The following ITGBL1 variants were observed in gnomAD, a reference collection of about 807,000 sequenced individuals.
ITGBL1 encodes integrin beta-like protein 1.
Under a neutral mutation model 68.5 loss-of-function variants are expected in ITGBL1, and 51 were observed. The ratio of observed to expected loss-of-function variants is 0.74; its 90% confidence interval spans 0.59 to 0.94. ITGBL1 has a LOEUF of 0.94. ITGBL1 is among the 40% of genes least tolerant of loss of function. The pLI is 0.00. For missense variants in ITGBL1, 649 were observed against 647.4 expected (o/e 1.00, Z -0.03); for synonymous variants, 209 against 227.3 (o/e 0.92, Z 0.72).
intron 7 of ITGBL1, among the ~76,000 whole-genome samples, chr13:101,691,238 A>T (rs1409996072): frequency 6.6e-6 from 1 of 152,200 alleles, no homozygotes; most frequent in African/African-American, 2.4e-5. Flanking sequence ...TGAACCTGGG[A>T]CTACCTCCAA....
At chr13:101,489,553 A>G (rs565653080) in intron 2 of ITGBL1, among the ~76,000 whole-genome samples, 1 of 152,288 alleles carries the variant, frequency 6.6e-6, no homozygotes, top group East Asian at 1.9e-4. Context: ...AGCAGCTGAC[A>G]TAGTTGAATA....
intron 2 of ITGBL1, among the ~76,000 whole-genome samples, chr13:101,545,927 C>A (rs1555357984): frequency 6.6e-6 from 1 of 152,106 alleles, no homozygotes; most frequent in Non-Finnish European, 1.5e-5. Context: ...AGGCAATCCC[C>A]AAAGTCCCAC....
At chr13:101,493,170 T>C (rs2048805642) in intron 2 of ITGBL1, among the ~76,000 whole-genome samples, 1 of 152,168 alleles carries the variant, frequency 6.6e-6, no homozygotes, top group Non-Finnish European at 1.5e-5. Context: ...AGAGCTTAGA[T>C]ACACCTCTAC....
chr13:101,575,514 G>T lies in ITGBL1; in HGVS notation c.554G>T (p.Cys185Phe). The T allele has an allele frequency of 6.2e-7, 1 of 1,612,602 alleles. No homozygotes were observed. The highest frequency in any genetic ancestry group is 8.5e-7 in the Non-Finnish European group (1 of 1,178,858). The change falls in exon 4 of 11, where the codon TGC becomes TTC. Residue 185 changes from cysteine to phenylalanine, a missense_variant. By Grantham distance (205) the Cys-to-Phe change is radical. Coordinates refer to ENST00000376180, the MANE Select transcript of ITGBL1 (RefSeq NM_004791.3). ...GKFCECDDRECIDDETEEICG... is the reference protein window; with the variant it reads ...GKFCECDDREFIDDETEEICG... Reference sequence around the variant, plus strand: ...TTTTGTGAGTGTGACGATAGAGAATGCATAGACGATGAAACAGAAGAAATA... The same window carrying T: ...TTTTGTGAGTGTGACGATAGAGAATTCATAGACGATGAAACAGAAGAAATA...
At chr13:101,538,043 A>G (rs1399816783) in intron 2 of ITGBL1, among the ~76,000 whole-genome samples, 1 of 152,076 alleles carries the variant, frequency 6.6e-6, no homozygotes, top group Non-Finnish European at 1.5e-5. Context: ...TTTTATCAGT[A>G]TTAGGATAAA....
At chr13:101,619,139 C>T (rs893334461) in intron 7 of ITGBL1, among the ~76,000 whole-genome samples, 1 of 151,998 alleles carries the variant, frequency 6.6e-6, no homozygotes, top group African/African-American at 2.4e-5. Flanking sequence ...TGATACATAG[C>T]TTATTTTCAG....
chr13:101,667,437 C>T (rs2033248869), intron 7 of ITGBL1, among the ~76,000 whole-genome samples: 1 of 147,990 alleles, frequency 6.8e-6, no homozygotes, highest in Non-Finnish European at 1.5e-5. Context: ...TTCAATGAAA[C>T]ATAAACAGCA....
intron 7 of ITGBL1, among the ~76,000 whole-genome samples, chr13:101,641,070 T>TA (rs1295718229): frequency 6.6e-6 from 1 of 152,210 alleles, no homozygotes; most frequent in African/African-American, 2.4e-5. Flanking sequence ...GTTCTGAGTG[T>TA]AATTATTCCT....
intron 2 of ITGBL1, among the ~76,000 whole-genome samples, chr13:101,474,342 G>A (rs2048505159): frequency 6.6e-6 from 1 of 152,168 alleles, no homozygotes; most frequent in Non-Finnish European, 1.5e-5. Flanking sequence ...ACTGAGGAAA[G>A]GAGAGGGAAG....
At chr13:101,720,679 G>GATCT (rs1230207304), downstream of ITGBL1, 1 of 151,864 alleles carries the variant, frequency 6.6e-6, no homozygotes, top group African/African-American at 2.4e-5. Context: ...CATATTATGG[G>GATCT]ATCTATGTTT....
intron 6 of ITGBL1, 24 bp from the exon 7 acceptor site, chr13:101,598,129 T>C (rs751678538): frequency 5.1e-6 from 8 of 1,572,208 alleles, no homozygotes; most frequent in Non-Finnish European, 2.6e-6. Flanking sequence ...TACATTTTTA[T>C]TTTTTGCCAC....
At chr13:101,462,742 C>T (rs2048334247) in intron 2 of ITGBL1, among the ~76,000 whole-genome samples, 1 of 152,146 alleles carries the variant, frequency 6.6e-6, no homozygotes, top group African/African-American at 2.4e-5. Context: ...GCCCCCACAC[C>T]TGGCTAATTT....
intron 2 of ITGBL1, among the ~76,000 whole-genome samples, chr13:101,455,486 C>G (rs1166788433): frequency 6.6e-6 from 1 of 151,734 alleles, no homozygotes; most frequent in Admixed American, 6.6e-5. Flanking sequence ...CGCCAACTTG[C>G]TGAAACCCAG....
chr13:101,628,437 CT>C (rs986031242), intron 7 of ITGBL1, among the ~76,000 whole-genome samples: 239 of 139,418 alleles, frequency 1.7e-3, no homozygotes, highest in Middle Eastern at 3.6e-3. Flanking sequence ...TTTTCTTTTT[CT>C]TTTTTTTTTT....
At chr13:101,513,780 G>A (rs1026918224) in intron 2 of ITGBL1, among the ~76,000 whole-genome samples, 9 of 151,912 alleles carry the variant, frequency 5.9e-5, no homozygotes, top group African/African-American at 1.4e-4. Context: ...AATTGTTAAC[G>A]AGGATGTATT....
chr13:101,652,833 C>A (rs954849094), intron 7 of ITGBL1, among the ~76,000 whole-genome samples: 1 of 152,046 alleles, frequency 6.6e-6, no homozygotes, highest in Non-Finnish European at 1.5e-5. Flanking sequence ...TGTGGTGGCT[C>A]GTGCCTGTAA....
chr13:101,570,798 CT>C (rs2139259639), intron 3 of ITGBL1, among the ~76,000 whole-genome samples: 1 of 152,292 alleles, frequency 6.6e-6, no homozygotes, highest in South Asian at 2.1e-4. Context: ...ATTGGTTAAA[CT>C]TAAGTTCTGT....
chr13:101,592,149 G>A (rs952335184), intron 6 of ITGBL1, among the ~76,000 whole-genome samples: 28 of 151,968 alleles, frequency 1.8e-4, no homozygotes, highest in Non-Finnish European at 2.9e-5. Flanking sequence ...AAACCACACC[G>A]TTTCTCACAA....
chr13:101,462,491 G>A (rs1594823346), intron 2 of ITGBL1, among the ~76,000 whole-genome samples: 1 of 152,228 alleles, frequency 6.6e-6, no homozygotes, highest in East Asian at 1.9e-4. Flanking sequence ...ATATCTGGCT[G>A]TTGGTATGCT....
Sources: gnomAD v4.1 joint callset for allele counts (sites outside exome capture counted in the v4.1 genomes callset) on GRCh38, gnomAD v4.1.1 for gene constraint, MANE v1.5 for transcripts, NCBI Gene and HGNC (gene_info 2026-07-23, HGNC 2026-07-21) for gene names.